Variants in SLC18A1 observed in about 807,000 individuals in gnomAD.
The protein encoded by SLC18A1 is chromaffin granule amine transporter.
In SLC18A1, 69 loss-of-function variants were observed where a neutral mutation model predicts 53.7. The ratio of observed to expected loss-of-function variants is 1.28; its 90% CI spans 1.06 to 1.57. The LOEUF (loss-of-function observed/expected upper bound fraction) is 1.57, where lower values mean the gene tolerates loss of function less well. SLC18A1 is among the 40% of genes most tolerant of loss of function. The pLI, the probability that SLC18A1 is intolerant of heterozygous loss-of-function variation, is 0.00. For synonymous variants in SLC18A1, 320 were observed against 248.1 expected (o/e 1.29, Z -2.72); for missense variants, 932 against 668.1 (o/e 1.40, Z -4.35).
intron 6 of SLC18A1, 90 bp downstream of exon 6, chr8:20,172,946 A>G: frequency 1.1e-6 from 1 of 890,042 alleles, no homozygotes; most frequent in Non-Finnish European, 1.8e-6. Flanking sequence ...CCAACAAGGG[A>G]AGGAAAATAC....
intron 2 of SLC18A1, among the ~76,000 whole-genome samples, 170 bp from the exon 3 acceptor site, chr8:20,179,654 G>C (rs1193238437): frequency 6.6e-6 from 1 of 152,200 alleles, no homozygotes; most frequent in Non-Finnish European, 1.5e-5. Context: ...GGACTATGAT[G>C]AGGTTCAGCC....
chr8:20,174,150 C>G (rs2072197144), intron 5 of SLC18A1, among the ~76,000 whole-genome samples: 1 of 152,100 alleles, frequency 6.6e-6, no homozygotes, highest in Admixed American at 6.5e-5. Flanking sequence ...TAGAATCAAG[C>G]TATCCTCCTG....
chr8:20,161,107 C>A (rs1353054661), intron 10 of SLC18A1, among the ~76,000 whole-genome samples: 1 of 152,128 alleles, frequency 6.6e-6, no homozygotes, highest in Non-Finnish European at 1.5e-5. Context: ...TGTCACAATG[C>A]AAAATGCATT....
chr8:20,178,616 C>CT lies in SLC18A1; in HGVS notation c.489-124dup. 4.3e-6 allele frequency: 3 copies of CT among 705,182 alleles called. No individual in the cohort carries two copies. In the South Asian group the frequency reaches 5.6e-5, roughly 13 times the overall value. 43.7% of individuals were successfully genotyped at this position (705,182 alleles called of 1,614,324 possible). A position where few individuals can be genotyped will look rare whatever the true frequency, so the allele number is the denominator to read the frequency against. On this transcript the variant is annotated intron_variant, in intron 3 of 15. Transcript: ENST00000276373. ...TTTGGGTGTATGGTAAAACATGCCT[C>CT]TGAATGTAGTGTGGAGATGAAATAG...
intron 10 of SLC18A1, among the ~76,000 whole-genome samples, chr8:20,152,943 A>G (rs2071594831): frequency 6.6e-6 from 1 of 152,194 alleles, no homozygotes; most frequent in African/African-American, 2.4e-5. Flanking sequence ...GGGTACACTT[A>G]GTGATGGAAA....
intron 8 of SLC18A1, among the ~76,000 whole-genome samples, chr8:20,170,836 TATAGATAG>T (rs57375699): frequency 0.12 from 17,777 of 151,382 alleles, 1,256 homozygotes; most frequent in Middle Eastern, 0.3. Flanking sequence ...GTGTCGAATA[TATAGATAG>T]ATAGATAGAT....
At chr8:20,162,671 A>G (rs1235108779) in intron 10 of SLC18A1, among the ~76,000 whole-genome samples, 1 of 152,186 alleles carries the variant, frequency 6.6e-6, no homozygotes, top group Non-Finnish European at 1.5e-5. Context: ...CCTTTACTCT[A>G]GTGTCCAATA....
intron 8 of SLC18A1, among the ~76,000 whole-genome samples, chr8:20,166,707 G>C (rs2071976622): frequency 6.6e-6 from 1 of 151,968 alleles, no homozygotes; most frequent in South Asian, 2.1e-4. Flanking sequence ...GGGCTGAATG[G>C]AGTCCCCCCA....
At chr8:20,164,175 G>C (rs558129495) in intron 10 of SLC18A1, among the ~76,000 whole-genome samples, 1 of 152,196 alleles carries the variant, frequency 6.6e-6, no homozygotes, top group South Asian at 2.1e-4. Context: ...TGCAGTGATG[G>C]AGCAATTTGC....
At chr8:20,152,750 G>C (rs73210887) in intron 10 of SLC18A1, among the ~76,000 whole-genome samples, 8 of 151,984 alleles carry the variant, frequency 5.3e-5, no homozygotes, top group African/African-American at 1.7e-4. Context: ...CTGAGCCTTG[G>C]GGGACTCCTA....
chr8:20,171,313 C>T (rs933790155), intron 7 of SLC18A1, 92 bp downstream of exon 7: 27 of 1,337,198 alleles, frequency 2.0e-5, no homozygotes, highest in South Asian at 4.7e-5. Context: ...ATGTCCAAAC[C>T]GCCCATTCTT....
At chr8:20,160,464 C>T (rs996768015) in intron 10 of SLC18A1, among the ~76,000 whole-genome samples, 5 of 151,720 alleles carry the variant, frequency 3.3e-5, no homozygotes, top group African/African-American at 1.2e-4. Flanking sequence ...ATGACCCCTG[C>T]ATGAAAAACA....
Position 20,148,055 on chromosome 8 carries a change from T to G in SLC18A1, c.1162A>C (p.Asn388His), listed in dbSNP as rs1015247713. 1.2e-6 allele frequency: 2 copies of G among 1,613,958 alleles called. No homozygotes were observed. Among genetic ancestry groups the G allele is most frequent in the Non-Finnish European group, 1.7e-6 (2 of 1,179,978 alleles). The change falls in exon 13 of 16, where the codon AAT (asparagine) becomes CAT (histidine). Residue 388 changes from asparagine (N) to histidine (H), a missense_variant. Transcript: ENST00000276373. Reference protein sequence around the residue: ...TSLLCVPLAHNIFGLIGPNAG... With the variant: ...TSLLCVPLAHHIFGLIGPNAG... Reference sequence around the variant, plus strand: ...TTGGGGCCAATGAGACCAAAAATATTGTGAGCCAGAGGAACCTGCATGGGG... The same window carrying G: ...TTGGGGCCAATGAGACCAAAAATATGGTGAGCCAGAGGAACCTGCATGGGG...
chr8:20,170,880 T>C (rs184610716), intron 8 of SLC18A1, among the ~76,000 whole-genome samples: 2 of 152,320 alleles, frequency 1.3e-5, no homozygotes, highest in East Asian at 1.9e-4. Flanking sequence ...TCTTTGATTA[T>C]GCACAAGGTT....
chr8:20,154,383 TGA>T (rs2071631844), intron 10 of SLC18A1, among the ~76,000 whole-genome samples: 1 of 152,122 alleles, frequency 6.6e-6, no homozygotes, highest in Non-Finnish European at 1.5e-5. Context: ...GACCAGATGT[TGA>T]CAGCTTTAAT....
intron 2 of SLC18A1, 142 bp downstream of exon 2, chr8:20,180,699 C>T (rs957344408): frequency 1.9e-6 from 2 of 1,034,184 alleles, no homozygotes; most frequent in Non-Finnish European, 2.8e-6. Flanking sequence ...GGCTTTTTTC[C>T]AGTCCCCAAC....
intron 10 of SLC18A1, among the ~76,000 whole-genome samples, chr8:20,162,187 G>T (rs918242038): frequency 6.6e-6 from 1 of 152,180 alleles, no homozygotes; most frequent in Non-Finnish European, 1.5e-5. Context: ...AGCCCATGGA[G>T]GGTGTCCCAG....
At chr8:20,153,370 G>C (rs1167190129) in intron 10 of SLC18A1, among the ~76,000 whole-genome samples, 2 of 152,194 alleles carry the variant, frequency 1.3e-5, no homozygotes, top group Non-Finnish European at 2.9e-5. Context: ...TTGAATCCAA[G>C]TTGAGGAAAG....
intron 2 of SLC18A1, among the ~76,000 whole-genome samples, chr8:20,180,472 G>A (rs957396802): frequency 6.6e-6 from 1 of 152,162 alleles, no homozygotes; most frequent in Admixed American, 6.5e-5. Context: ...ATAGAGCAGA[G>A]TCCAGAAAGG....
Sources: gnomAD v4.1 joint callset for allele counts (sites outside exome capture counted in the v4.1 genomes callset) on GRCh38, gnomAD v4.1.1 for gene constraint, MANE v1.5 for transcripts, NCBI Gene and HGNC (gene_info 2026-07-23, HGNC 2026-07-21) for gene names.